The following KCNH2 variants were observed in gnomAD, a reference collection of about 807,000 sequenced individuals.
KCNH2 encodes the protein voltage-gated inwardly rectifying potassium channel KCNH2.
A neutral mutation model predicts 95.9 loss-of-function variants in KCNH2; 35 were observed. That is an observed-to-expected ratio of 0.37 (90% confidence interval 0.28 to 0.48). The LOEUF is 0.48. Among genes scored for constraint, KCNH2 ranks in the 20% least tolerant of loss-of-function variants. The pLI is 0.99. For missense variants in KCNH2, 1,274 were observed against 1,702.9 expected (o/e 0.75, Z 4.43); for synonymous variants, 786 against 754.7 (o/e 1.04, Z -0.68).
chr7:150,951,202 G>A (rs1801142915), intron 7 of KCNH2, 82 bp from the exon 8 acceptor site: 2 of 1,257,380 alleles, frequency 1.6e-6, no homozygotes, highest in Non-Finnish European at 2.2e-6. Flanking sequence ...CCCCGCACCA[G>A]GTCAGTGTCT....
chr7:150,973,019 G>A (rs1479705151), intron 2 of KCNH2, among the ~76,000 whole-genome samples: 1 of 152,188 alleles, frequency 6.6e-6, no homozygotes, highest in Non-Finnish European at 1.5e-5. Flanking sequence ...CCCGTTGCAG[G>A]CACTCTCTAT....
In KCNH2 at chr7:150,958,451, G is replaced by A; in HGVS notation, c.524C>T (p.Ala175Val). ...GCCCGACCGCACCGACGACTCCCGG[G>A]CCGTCAGCGCCAGCAGCGCGGGCAG... ...LKLPALLALTARESSVRSGGA... is the reference protein window; with the variant it reads ...LKLPALLALTVRESSVRSGGA... The change falls in exon 4 of 15, where the codon GCC becomes GTC. Residue 175 changes from alanine to valine, a missense_variant. Around this residue, in one of 7 missense-constraint regions of KCNH2, gnomAD observed 392 missense variants for 429.9 expected, o/e 0.91. Coordinates refer to ENST00000262186, the MANE Select transcript of KCNH2 (RefSeq NM_000238.4). 6.8e-7 allele frequency: 1 copy of A among 1,466,356 alleles called. No individual in the cohort carries two copies. The highest frequency in any genetic ancestry group is 2.4e-5 in the Admixed American group (1 of 40,834). 90.8% of individuals were successfully genotyped at this position (1,466,356 alleles called of 1,614,324 possible).
rs41308990 is a variant in KCNH2 at position 150,972,033 on chromosome 7, C to T, written c.307+2678G>A. ...TCTGCCCCCAATTCCACCTGAATCC[C>T]GGGCCTGACTTCAAGGGGCACAGGG... On this transcript the variant is annotated intron_variant, in intron 2 of 14. Coordinates refer to ENST00000262186, the MANE Select transcript of KCNH2 (RefSeq NM_000238.4). Among the ~76,000 whole-genome samples, 183 of 152,202 alleles carry T rather than the reference C, an allele frequency of 1.2e-3. 1 individual carries two copies. The highest frequency in any genetic ancestry group is 4.4e-3 in the African/African-American group (182 of 41,538).
rs371576186 is a variant in KCNH2 at position 150,969,291 on chromosome 7, G to A, written c.307+5420C>T. Among the ~76,000 whole-genome samples the A allele has an allele frequency of 2.0e-5, 3 of 152,260 alleles. No homozygotes were observed. The South Asian group carries it at 6.2e-4, about 32-fold the overall frequency. On this transcript the variant is annotated intron_variant, in intron 2 of 14. Transcript: ENST00000262186. ...ATCCTGCCTTTCACAGGGCCATGAG[G>A]ACCACCTGCGGTAAAGCATGGTTCC...
chr7:150,977,768 C>T, intron 1 of KCNH2, 70 bp downstream of exon 1: 1 of 1,277,364 alleles, frequency 7.8e-7, no homozygotes, highest in Non-Finnish European at 1.1e-6. Context: ...GCACGCCCCC[C>T]CATCCACACT....
rs770556945 is a variant in KCNH2 at position 150,977,947 on chromosome 7, C to A, written c.-34G>T. 2.1e-6 allele frequency: 3 copies of A among 1,449,392 alleles called. No individual in the cohort carries two copies. The highest frequency in any genetic ancestry group is 2.5e-5 in the East Asian group (1 of 40,160). The allele number at this position is 1,449,392 out of a possible 1,614,324, so 89.8% of individuals were successfully genotyped here. ...CATGGGCGGGCCGGGCGGGCCCCCA[C>A]CCACCCCGGCCCGGCCCGGCCCAGC... On this transcript the variant is annotated 5_prime_UTR_variant, in exon 1 of 15. Coordinates refer to ENST00000262186, the MANE Select transcript of KCNH2 (RefSeq NM_000238.4).
At chr7:150,974,980 C>T (rs776043057) in intron 1 of KCNH2, 39 bp from the exon 2 acceptor site, 1 of 1,523,912 alleles carries the variant, frequency 6.6e-7, no homozygotes, top group Admixed American at 1.9e-5. Context: ...GAGCGGGGAC[C>T]CCAGCCTCCG....
intron 9 of KCNH2, chr7:150,949,287 C>A: frequency 7.2e-7 from 1 of 1,382,988 alleles, no homozygotes; most frequent in Non-Finnish European, 9.4e-7. Flanking sequence ...GCAAATGAGA[C>A]CCAGCCAGCA....
In KCNH2 at chr7:150,948,004, C is replaced by T. The variant is rs1041683165; in HGVS notation, c.2693-126G>A. On this transcript the variant is annotated intron_variant, in intron 11 of 14. Transcript: ENST00000262186. The stretch of plus-strand genomic sequence containing the variant: ...CAGGAAGCCCTGGTTTGTCCCCAGT[C>T]GCTTCTTCTGCTATCTTGCACCCAC... 11 of 1,183,466 alleles carry T rather than the reference C, an allele frequency of 9.3e-6. No homozygotes were observed. In the South Asian group the frequency reaches 9.6e-5, roughly 10 times the overall value. The allele number at this position is 1,183,466 out of a possible 1,614,324, so 73.3% of individuals were successfully genotyped here.
intron 2 of KCNH2, among the ~76,000 whole-genome samples, chr7:150,972,951 C>T (rs1470859915): frequency 8.5e-5 from 13 of 152,196 alleles, no homozygotes; most frequent in Non-Finnish European, 1.5e-5. Context: ...TGCCAAGAGG[C>T]CAAATCCCCA....
At position 150,958,067 on chromosome 7, in the gene KCNH2, G is replaced by A; in HGVS notation, c.908C>T (p.Ala303Val). 1 of 1,276,112 alleles carries A rather than the reference G, an allele frequency of 7.8e-7. No individual in the cohort carries two copies. Among genetic ancestry groups the A allele is most frequent in the South Asian group, 2.9e-5 (1 of 34,430 alleles). The allele number at this position is 1,276,112 out of a possible 1,614,324, so 79.0% of individuals were successfully genotyped here. ...AGVLPPPPRH[A>V]STGAMHPLRS... is the part of the protein sequence containing the mutation. ...TCCCGCGGCGCCCTCACCGGTGCTGGCGTGGCGCGGTGGCGGGGGCAGCAC... is the reference window on the plus strand; with the variant it reads ...TCCCGCGGCGCCCTCACCGGTGCTGACGTGGCGCGGTGGCGGGGGCAGCAC... The change falls in exon 4 of 15, where the codon GCC (alanine) becomes GTC (valine). Residue 303 changes from alanine to valine, a missense_variant. Ala to Val is a moderately conservative substitution (Grantham distance 64). Coordinates refer to ENST00000262186, the MANE Select transcript of KCNH2 (RefSeq NM_000238.4).
chr7:150,958,538 G>A (rs761447040), intron 3 of KCNH2, 36 bp from the exon 4 acceptor site: 76 of 1,458,926 alleles, frequency 5.2e-5, no homozygotes, highest in Non-Finnish European at 6.5e-5. Context: ...CGTGGGGATC[G>A]CGAGCAGCCC....
Position 150,951,612 on chromosome 7 carries a change from C to T in KCNH2, c.1781G>A (p.Gly594Asp), listed in dbSNP as rs199472931. The change falls in exon 7 of 15, where the codon GGC becomes GAC. Residue 594 changes from glycine (G) to aspartate (D), a missense_variant. Transcript: ENST00000262186. ...GWLHNLGDQI[G>D]KPYNSSGLGG... Reference sequence around the variant, plus strand: ...CAGGCCGCTGCTGTTGTAGGGTTTGCCTATCTGGTCGCCCAGGTTGTGCAG... The same window carrying T: ...CAGGCCGCTGCTGTTGTAGGGTTTGTCTATCTGGTCGCCCAGGTTGTGCAG... The T allele has an allele frequency of 6.2e-7, 1 of 1,614,120 alleles. No individual in the cohort carries two copies. The highest frequency in any genetic ancestry group is 8.5e-7 in the Non-Finnish European group (1 of 1,180,058).
Position 150,948,466 on chromosome 7 carries a change from G to C in KCNH2, c.2670C>G (p.Ser890=), listed in dbSNP as rs759861732. 1.9e-6 allele frequency: 3 copies of C among 1,547,714 alleles called. No homozygotes were observed. In the African/African-American group the frequency reaches 4.2e-5, roughly 22 times the overall value. ...GFSRQRKRKL[S]FRRRTDKDTE... is the part of the protein sequence containing the mutation. ...CACCCTTGTCCGTGCGCCTGCGGAA[G>C]GACAACTTGCGCTTGCGTTGCCGAC... The change falls in exon 11 of 15, where the codon TCC becomes TCG. Residue 890 remains serine, a synonymous_variant. Coordinates refer to ENST00000262186, the MANE Select transcript of KCNH2 (RefSeq NM_000238.4).
At chr7:150,955,727 C>A (rs1279075257) in intron 5 of KCNH2, 1 of 1,319,158 alleles carries the variant, frequency 7.6e-7, no homozygotes, top group African/African-American at 1.5e-5. Flanking sequence ...GCTCGAGCTG[C>A]CCATGGCCCC....
chr7:150,971,330 G>C (rs1358167762), intron 2 of KCNH2, among the ~76,000 whole-genome samples: 5 of 152,180 alleles, frequency 3.3e-5, no homozygotes, highest in African/African-American at 9.7e-5. Flanking sequence ...CAGTGCACTG[G>C]GGAGCAGGCC....
intron 9 of KCNH2, 84 bp from the exon 10 acceptor site, chr7:150,949,133 C>T (rs1283616693): frequency 1.3e-5 from 18 of 1,336,272 alleles, no homozygotes; most frequent in Admixed American, 9.7e-5. Context: ...ATCCCCACCC[C>T]GGGCAGAGCA....
chr7:150,954,762 G>C (rs539459870), intron 5 of KCNH2, among the ~76,000 whole-genome samples: 2 of 152,180 alleles, frequency 1.3e-5, no homozygotes, highest in Non-Finnish European at 2.9e-5. Context: ...CTCCACTGTC[G>C]GCCCAAGCCT....
chr7:150,973,751 C>T (rs1413643994), intron 2 of KCNH2, among the ~76,000 whole-genome samples: 1 of 152,248 alleles, frequency 6.6e-6, no homozygotes, highest in Non-Finnish European at 1.5e-5. Flanking sequence ...AAACAGAAAG[C>T]AGAGCGTGCT....
Sources: allele counts gnomAD v4.1 joint callset (sites outside exome capture counted in the v4.1 genomes callset), GRCh38; gene constraint gnomAD v4.1.1; regional missense constraint gnomAD v4.1.1; transcripts MANE v1.5; gene names NCBI Gene and HGNC (gene_info 2026-07-23, HGNC 2026-07-21).